The following FRMPD2 variants were observed in gnomAD, a reference collection of about 807,000 sequenced individuals.
The protein encoded by FRMPD2 is FERM and PDZ domain-containing protein 2.
In FRMPD2, 96 loss-of-function variants were observed where a neutral mutation model predicts 140.1. That is an observed-to-expected ratio of 0.69 (90% CI 0.58 to 0.81). The LOEUF (loss-of-function observed/expected upper bound fraction) is 0.81. Among genes scored for constraint, FRMPD2 ranks in the 40% least tolerant of loss-of-function variants. The pLI is 0.00. For synonymous variants in FRMPD2, 449 were observed against 547.6 expected, an observed-to-expected ratio of 0.82 and a Z score of 2.52; for missense variants, 1,240 against 1,447.4, an observed-to-expected ratio of 0.86 and a Z score of 2.32.
intron 1 of FRMPD2, among the ~76,000 whole-genome samples, chr10:48,256,515 A>G (rs868817038): frequency 6.6e-6 from 1 of 152,154 alleles, no homozygotes; most frequent in Non-Finnish European, 1.5e-5. Context: ...TCAAGACACC[A>G]TCCATGACCT....
chr10:48,270,231 C>T (rs1840743134), intron 1 of FRMPD2, among the ~76,000 whole-genome samples: 1 of 152,138 alleles, frequency 6.6e-6, no homozygotes, highest in South Asian at 2.1e-4. Flanking sequence ...CATTTTCATC[C>T]CTCAAGTGGG....
chr10:48,218,209 A>T (rs1455526444), intron 12 of FRMPD2, among the ~76,000 whole-genome samples: 1 of 152,158 alleles, frequency 6.6e-6, no homozygotes, highest in Non-Finnish European at 1.5e-5. Context: ...TAACAGCCTC[A>T]TCTCAAATTA....
intron 1 of FRMPD2, among the ~76,000 whole-genome samples, chr10:48,268,374 G>A (rs984194952): frequency 6.6e-6 from 1 of 152,254 alleles, no homozygotes; most frequent in Non-Finnish European, 1.5e-5. Context: ...ATACAACTGA[G>A]CAATTGTGCT....
intron 1 of FRMPD2, among the ~76,000 whole-genome samples, chr10:48,272,859 A>C (rs1378099990): frequency 6.6e-6 from 1 of 152,248 alleles, no homozygotes; most frequent in Non-Finnish European, 1.5e-5. Flanking sequence ...TAAGACAATC[A>C]TCTTCATTGT....
At chr10:48,237,757 T>C (rs733955) in intron 8 of FRMPD2, among the ~76,000 whole-genome samples, 41,259 of 151,988 alleles carry the variant, frequency 0.27, 7,950 homozygotes, top group African/African-American at 0.55. Context: ...CCAGCATCTT[T>C]AACCCTACAT....
At chr10:48,225,985 T>C (rs543160977) in intron 10 of FRMPD2, among the ~76,000 whole-genome samples, 1 of 152,330 alleles carries the variant, frequency 6.6e-6, no homozygotes, top group South Asian at 2.1e-4. Context: ...TGATGTGTAC[T>C]CTTTTGGGGT....
intron 10 of FRMPD2, among the ~76,000 whole-genome samples, chr10:48,227,082 G>A (rs1383884748): frequency 6.6e-6 from 1 of 152,196 alleles, no homozygotes; most frequent in Admixed American, 6.5e-5. Context: ...TCTATGGATA[G>A]TGCCTAGCTA....
intron 16 of FRMPD2, among the ~76,000 whole-genome samples, chr10:48,189,372 C>T (rs997947306): frequency 6.6e-6 from 1 of 152,206 alleles, no homozygotes; most frequent in Non-Finnish European, 1.5e-5. Context: ...GAGGCCACCT[C>T]TCAGGAGTGG....
At position 48,242,200 on chromosome 10, in the gene FRMPD2, G is replaced by A. The variant is rs764070140; in HGVS notation, c.528C>T (p.Ile176=). The A allele has an allele frequency of 1.9e-6, 3 of 1,614,110 alleles. No homozygotes were observed. In the Admixed American group the frequency reaches 5.0e-5, roughly 27 times the overall value. The change falls in exon 5 of 29, where the codon ATC becomes ATT. Residue 176 remains isoleucine (I), a synonymous_variant. Transcript: ENST00000374201. ...CCAGAACCAAGCCAACCAGCCTTCTGATGTGGAGACCAGCAGGGGCTGGGT... is the reference window on the plus strand; with the variant it reads ...CCAGAACCAAGCCAACCAGCCTTCTAATGTGGAGACCAGCAGGGGCTGGGT... ...SVYPAPAGLH[I]RRLVGLVLGT...
intron 1 of FRMPD2, among the ~76,000 whole-genome samples, chr10:48,258,083 C>A (rs751368218): frequency 3.4e-4 from 51 of 152,216 alleles, no homozygotes; most frequent in Non-Finnish European, 8.8e-5. Context: ...GCTCTCAGAG[C>A]GATCTTTTCC....
At chr10:48,220,565 A>G (rs1839560481) in intron 12 of FRMPD2, among the ~76,000 whole-genome samples, 1 of 152,224 alleles carries the variant, frequency 6.6e-6, no homozygotes. Context: ...AAGCAAATGT[A>G]ACAAAAACAA....
chr10:48,170,898 T>C (rs1838224166), intron 26 of FRMPD2, 96 bp downstream of exon 26: 1 of 964,030 alleles, frequency 1.0e-6, no homozygotes, highest in Non-Finnish European at 1.7e-6. Context: ...GTATGATTTT[T>C]GAGAGCCCAG....
At chr10:48,184,107 A>G (rs1028783889) in intron 20 of FRMPD2, among the ~76,000 whole-genome samples, 4 of 151,994 alleles carry the variant, frequency 2.6e-5, no homozygotes. Flanking sequence ...GTAGCCCTAA[A>G]CCCAAAACAA....
chr10:48,161,989 T>C (rs1190752889), intron 28 of FRMPD2, among the ~76,000 whole-genome samples: 1 of 150,286 alleles, frequency 6.7e-6, no homozygotes, highest in African/African-American at 2.5e-5. Context: ...TCCCAAGCTA[T>C]CTGGCAGCAA....
At chr10:48,159,336 G>T (rs1269603358) in intron 28 of FRMPD2, 1 of 442,030 alleles carries the variant, frequency 2.3e-6, no homozygotes, top group African/African-American at 2.0e-5. Context: ...TGTCACAGTA[G>T]TGTGGACAGA....
intron 1 of FRMPD2, among the ~76,000 whole-genome samples, chr10:48,260,278 C>T (rs1281844219): frequency 6.6e-6 from 1 of 151,946 alleles, no homozygotes; most frequent in Admixed American, 6.6e-5. Flanking sequence ...TTACAATCTG[C>T]TATCTACAAG....
chr10:48,274,796 C>T, upstream of FRMPD2: 1 of 530,726 alleles, frequency 1.9e-6, no homozygotes, highest in Admixed American at 3.5e-5. Context: ...AGTCTCTGGC[C>T]TGTTAGCAGG....
At chr10:48,180,238 C>A (rs1233198919) in intron 21 of FRMPD2, among the ~76,000 whole-genome samples, 3 of 152,204 alleles carry the variant, frequency 2.0e-5, no homozygotes, top group African/African-American at 7.2e-5. Flanking sequence ...GGGCCCAGAG[C>A]AGAATGGAGA....
chr10:48,221,696 A>C (rs1037245790), intron 12 of FRMPD2, among the ~76,000 whole-genome samples: 6 of 152,242 alleles, frequency 3.9e-5, no homozygotes, highest in Non-Finnish European at 5.9e-5. Flanking sequence ...TGTCTTTAGG[A>C]GGTACCTATT....
Sources: gnomAD v4.1 joint callset for allele counts (sites outside exome capture counted in the v4.1 genomes callset) on GRCh38, gnomAD v4.1.1 for gene constraint, MANE v1.5 for transcripts, NCBI Gene and HGNC (gene_info 2026-07-23, HGNC 2026-07-21) for gene names.